Variants in RASEF observed in about 807,000 individuals in gnomAD.
The protein encoded by RASEF is RAS and EF-hand domain containing, also known as ras and EF-hand domain-containing protein.
RASEF carries 68 observed loss-of-function variants against 90.1 expected under a neutral mutation model. The observed-to-expected ratio is 0.75, with a 90% CI of 0.62 to 0.92. The LOEUF (loss-of-function observed/expected upper bound fraction) is 0.92. Among genes scored for constraint, RASEF ranks in the 40% least tolerant of loss-of-function variants. The pLI is 0.00. For missense variants in RASEF, 949 were observed against 937.2 expected, an observed-to-expected ratio of 1.01 and a Z score of -0.16; for synonymous variants, 331 against 345.2, an observed-to-expected ratio of 0.96 and a Z score of 0.46.
At chr9:83,004,181 A>G (rs975203355) in intron 9 of RASEF, among the ~76,000 whole-genome samples, 86 of 152,336 alleles carry the variant, frequency 5.6e-4, no homozygotes, top group African/African-American at 2.0e-3. Context: ...ACACTGCAGC[A>G]TCATATACTA....
the RASEF span, among the ~76,000 whole-genome samples, chr9:83,196,524 C>T: frequency 1.3e-5 from 2 of 152,096 alleles, no homozygotes; most frequent in African/African-American, 4.8e-5. Context: ...GGGTCACTAC[C>T]GGGCCCCTTG....
At chr9:83,038,943 A>G (rs1829790253) in intron 1 of RASEF, among the ~76,000 whole-genome samples, 1 of 152,194 alleles carries the variant, frequency 6.6e-6, no homozygotes, top group South Asian at 2.1e-4. Context: ...GCTCAATACA[A>G]AATATGTAAC....
chr9:83,209,082 C>T, the RASEF span, among the ~76,000 whole-genome samples: 1 of 152,240 alleles, frequency 6.6e-6, no homozygotes, highest in African/African-American at 2.4e-5. Flanking sequence ...CCCCACTGGG[C>T]TCTCTGGTCC....
chr9:83,135,248 C>T, the RASEF span, among the ~76,000 whole-genome samples: 4 of 151,674 alleles, frequency 2.6e-5, no homozygotes, highest in Non-Finnish European at 4.4e-5. Flanking sequence ...ATCTCAAAGA[C>T]AAAAAACCAA....
At chr9:83,065,348 G>A (rs558323425), upstream of RASEF, among the ~76,000 whole-genome samples, 2 of 152,234 alleles carry the variant, frequency 1.3e-5, no homozygotes, top group African/African-American at 4.8e-5. Context: ...AACTGGGGCT[G>A]GATGGTTATA....
At chr9:83,134,078 T>C in the RASEF span, among the ~76,000 whole-genome samples, 1 of 152,280 alleles carries the variant, frequency 6.6e-6, no homozygotes, top group Non-Finnish European at 1.5e-5. Flanking sequence ...TAGACATACA[T>C]GTAGATATCT....
Position 83,007,608 on chromosome 9 carries a change from G to A in RASEF, c.960-103C>T, listed in dbSNP as rs549121418. ...TTTCCCACCTTTTTCAAAGACGAGT[G>A]TCCTTGGCCACAGTTTTCTATCTTT... is the stretch of plus-strand genomic sequence containing the variant. On this transcript the variant is annotated intron_variant, in intron 6 of 16. Coordinates refer to ENST00000376447, the MANE Select transcript of RASEF (RefSeq NM_152573.4). 4.3e-4 allele frequency: 356 copies of A among 830,258 alleles called. 8 individuals are homozygous for A. Among genetic ancestry groups the A allele is most frequent in the South Asian group, 4.0e-3 (282 of 70,332 alleles). 51.4% of individuals were successfully genotyped at this position (830,258 alleles called of 1,614,324 possible). A position where few individuals can be genotyped will look rare whatever the true frequency, so the allele number is the denominator to read the frequency against.
At chr9:83,123,965 C>T in the RASEF span, among the ~76,000 whole-genome samples, 1 of 149,606 alleles carries the variant, frequency 6.7e-6, no homozygotes, top group Admixed American at 6.6e-5. Flanking sequence ...CTAACTCTCC[C>T]TTAGCCTTGG....
chr9:83,060,321 T>C (rs147048406), intron 1 of RASEF, among the ~76,000 whole-genome samples: 274 of 152,354 alleles, frequency 1.8e-3, no homozygotes, highest in African/African-American at 6.5e-3. Flanking sequence ...AGCTCAAGAC[T>C]TCAAAGAAAA....
At chr9:82,999,602 ATC>A (rs1306990444) in intron 12 of RASEF, among the ~76,000 whole-genome samples, 1 of 151,404 alleles carries the variant, frequency 6.6e-6, no homozygotes, top group African/African-American at 2.4e-5. Context: ...CTAAGCAGAT[ATC>A]TCTCTTTTTT....
chr9:83,000,965 C>T lies in RASEF; in HGVS notation c.1368G>A (p.Lys456=). The part of the protein sequence containing the change: ...PNEYDSEVEY[K]HQRGFQRSHG... ...GTGACCTCTGAAATCCCCTCTGGTG[C>T]TTGTATTCCACTTCTGAGTCATACT... The change falls in exon 10 of 17, where the codon AAG becomes AAA. Residue 456 remains lysine, a synonymous_variant. Coordinates refer to ENST00000376447, the MANE Select transcript of RASEF (RefSeq NM_152573.4). The T allele has an allele frequency of 6.2e-7, 1 of 1,614,166 alleles. No homozygotes were observed. Among genetic ancestry groups the T allele is most frequent in the Non-Finnish European group, 8.5e-7 (1 of 1,180,034 alleles).
intron 1 of RASEF, among the ~76,000 whole-genome samples, chr9:83,033,497 G>A (rs967166020): frequency 1.3e-5 from 2 of 152,160 alleles, no homozygotes; most frequent in African/African-American, 4.8e-5. Context: ...TGTGCACAGC[G>A]TCAGGCAGGA....
chr9:83,172,078 G>T, the RASEF span, among the ~76,000 whole-genome samples: 2 of 151,624 alleles, frequency 1.3e-5, no homozygotes, highest in African/African-American at 4.8e-5. Context: ...GCACTGCTTT[G>T]TGTCATCCTA....
At chr9:83,071,070 A>C in the RASEF span, among the ~76,000 whole-genome samples, 1 of 152,162 alleles carries the variant, frequency 6.6e-6, no homozygotes, top group Non-Finnish European at 1.5e-5. Context: ...GGGGAAGAAA[A>C]GATGGTTTTG....
chr9:83,154,599 G>C, the RASEF span, among the ~76,000 whole-genome samples: 1 of 152,138 alleles, frequency 6.6e-6, no homozygotes, highest in Non-Finnish European at 1.5e-5. Flanking sequence ...ACACTCAAAA[G>C]TCAGGAACTT....
intron 1 of RASEF, among the ~76,000 whole-genome samples, chr9:83,035,220 G>T (rs543695391): frequency 3.9e-5 from 6 of 152,174 alleles, no homozygotes; most frequent in Admixed American, 3.9e-4. Flanking sequence ...TGGCTTTGCA[G>T]GACATACTAT....
At chr9:83,102,233 C>G in the RASEF span, among the ~76,000 whole-genome samples, 50 of 152,256 alleles carry the variant, frequency 3.3e-4, no homozygotes, top group African/African-American at 1.2e-3. Flanking sequence ...CCCGCCACCA[C>G]GCCCAGCTAA....
At chr9:83,007,093 C>CAAA (rs11394639) in intron 7 of RASEF, among the ~76,000 whole-genome samples, 1,765 of 127,120 alleles carry the variant, frequency 0.014, 77 homozygotes, top group African/African-American at 0.047. Flanking sequence ...GACTCTGTCT[C>CAAA]AAAAAAAAAA....
intron 1 of RASEF, chr9:83,048,166 C>T (rs1829966128): frequency 2.0e-6 from 2 of 985,310 alleles, no homozygotes; most frequent in Middle Eastern, 5.2e-4. Context: ...CCATCAATCA[C>T]AGCCCACAGT....
Sources: allele counts gnomAD v4.1 joint callset (sites outside exome capture counted in the v4.1 genomes callset), GRCh38; gene constraint gnomAD v4.1.1; transcripts MANE v1.5; gene names NCBI Gene and HGNC (gene_info 2026-07-23, HGNC 2026-07-21).